PGBD5: variants seen among roughly 807,000 people sequenced by gnomAD.
PGBD5 encodes piggyBac transposable element-derived protein 5.
A neutral mutation model predicts 47.9 loss-of-function variants in PGBD5; 14 were observed. The ratio of observed to expected loss-of-function variants is 0.29; its 90% CI spans 0.19 to 0.46. The LOEUF (loss-of-function observed/expected upper bound fraction) is 0.46. PGBD5 is among the 20% of genes least tolerant of loss of function. The pLI, the probability that PGBD5 is intolerant of heterozygous loss-of-function variation, is 1.00. For synonymous variants in PGBD5, 316 were observed against 306.3 expected, an observed-to-expected ratio of 1.03 and a Z score of -0.33; for missense variants, 635 against 716.0, an observed-to-expected ratio of 0.89 and a Z score of 1.29.
intron 5 of PGBD5, among the ~76,000 whole-genome samples, chr1:230,329,687 T>C (rs1424805997): frequency 6.6e-6 from 1 of 152,164 alleles, no homozygotes; most frequent in Non-Finnish European, 1.5e-5. Flanking sequence ...CTGAATGAGA[T>C]TTAAAATAAA....
intron 1 of PGBD5, among the ~76,000 whole-genome samples, chr1:230,422,760 G>A (rs771286021): frequency 3.3e-5 from 5 of 152,150 alleles, no homozygotes; most frequent in African/African-American, 1.2e-4. Context: ...GGGCTGGGAA[G>A]ACAAGAACAG....
intron 3 of PGBD5, 46 bp downstream of exon 3, chr1:230,350,912 C>G: frequency 6.3e-7 from 1 of 1,599,874 alleles, no homozygotes; most frequent in Non-Finnish European, 8.5e-7. Context: ...GATTTTCTTC[C>G]CCGACCCTCT....
At chr1:230,405,432 T>C (rs1173605561) in intron 1 of PGBD5, among the ~76,000 whole-genome samples, 1 of 152,238 alleles carries the variant, frequency 6.6e-6, no homozygotes, top group Non-Finnish European at 1.5e-5. Context: ...TTTCTTATGA[T>C]TTTTCTTCAT....
rs950666290 is a variant in PGBD5, at chr1:230,390,193, A to T, written c.332-32872T>A. The stretch of plus-strand genomic sequence containing the variant: ...AATACCCCTCGCTCTGCCCACCATA[A>T]GTGGGTGACCACTGCTTCTTTACTG... On this transcript the variant is annotated intron_variant, in intron 1 of 6. Coordinates refer to ENST00000391860, the MANE Select transcript of PGBD5 (RefSeq NM_001258311.2). Among the ~76,000 whole-genome samples the T allele has an allele frequency of 5.3e-5, 8 of 152,196 alleles. 1 individual carries two copies. The highest frequency in any genetic ancestry group is 9.7e-5 in the African/African-American group (4 of 41,450).
At chr1:230,362,042 G>C (rs1667751600) in intron 1 of PGBD5, among the ~76,000 whole-genome samples, 1 of 152,264 alleles carries the variant, frequency 6.6e-6, no homozygotes, top group Non-Finnish European at 1.5e-5. Flanking sequence ...AAGGGGAGTG[G>C]GTGGGGCTGG....
chr1:230,343,639 G>T (rs1463870776), intron 3 of PGBD5, among the ~76,000 whole-genome samples: 4 of 152,104 alleles, frequency 2.6e-5, no homozygotes, highest in African/African-American at 9.7e-5. Flanking sequence ...TAAACAGCTG[G>T]ACACATGTCC....
intron 1 of PGBD5, among the ~76,000 whole-genome samples, chr1:230,401,191 C>T (rs948164778): frequency 3.3e-5 from 5 of 152,212 alleles, no homozygotes; most frequent in African/African-American, 9.7e-5. Flanking sequence ...GAGTTAAGGA[C>T]GCTGGCCTTG....
intron 1 of PGBD5, among the ~76,000 whole-genome samples, chr1:230,416,328 T>C (rs1657512063): frequency 6.6e-6 from 1 of 152,202 alleles, no homozygotes; most frequent in Non-Finnish European, 1.5e-5. Flanking sequence ...ATGCTCAGCT[T>C]GTGAACATTT....
At chr1:230,368,818 C>T (rs999355797) in intron 1 of PGBD5, among the ~76,000 whole-genome samples, 2 of 152,242 alleles carry the variant, frequency 1.3e-5, no homozygotes, top group African/African-American at 4.8e-5. Flanking sequence ...TGAGCATGCA[C>T]ATGCAGAGGT....
chr1:230,337,016 C>A, intron 4 of PGBD5, 92 bp downstream of exon 4: 2 of 1,408,388 alleles, frequency 1.4e-6, no homozygotes, highest in Non-Finnish European at 1.9e-6. Flanking sequence ...TTTGTGGTGG[C>A]CACCACGTAT....
chr1:230,338,004 TAAAC>T (rs1667352879), intron 3 of PGBD5, among the ~76,000 whole-genome samples: 1 of 152,210 alleles, frequency 6.6e-6, no homozygotes, highest in African/African-American at 2.4e-5. Flanking sequence ...GAAAATATCT[TAAAC>T]AAACAAAACA....
chr1:230,350,811 G>T, intron 3 of PGBD5, 147 bp downstream of exon 3: 1 of 1,176,700 alleles, frequency 8.5e-7, no homozygotes, highest in South Asian at 1.7e-5. Flanking sequence ...CCCAGCCCTG[G>T]CCTCCGCAGG....
intron 1 of PGBD5, among the ~76,000 whole-genome samples, chr1:230,406,167 G>C (rs1167554385): frequency 6.6e-6 from 1 of 151,906 alleles, no homozygotes; most frequent in Non-Finnish European, 1.5e-5. Context: ...AATTAGCCGG[G>C]CATGGTGGCG....
At chr1:230,410,652 T>G (rs1429931974) in intron 1 of PGBD5, among the ~76,000 whole-genome samples, 1 of 152,234 alleles carries the variant, frequency 6.6e-6, no homozygotes, top group South Asian at 2.1e-4. Flanking sequence ...CATATCAAAA[T>G]TTATAGAACA....
Position 230,318,491 on chromosome 1 carries a change from C to T in PGBD5, c.*4934G>A, listed in dbSNP as rs556217838. The T allele has an allele frequency of 6.6e-6, 1 of 152,468 alleles. No homozygotes were observed. The highest frequency in any genetic ancestry group is 1.5e-5 in the Non-Finnish European group (1 of 68,162). 9.4% of individuals were successfully genotyped at this position (152,468 alleles called of 1,614,324 possible). A position where few individuals can be genotyped will look rare whatever the true frequency, so the allele number is the denominator to read the frequency against. On this transcript the variant is annotated 3_prime_UTR_variant, in exon 7 of 7. Transcript: ENST00000391860. ...TGTTTTCCAAAGCAAGCTGCAGAGG[C>T]CACCGGTGGGGAGGGGGCACTGGGG...
rs1571825786 is a variant in PGBD5 at position 230,332,997 on chromosome 1, T to C, written c.1120A>G (p.Thr374Ala). The C allele has an allele frequency of 2.5e-6, 4 of 1,612,604 alleles. No homozygotes were observed. Among genetic ancestry groups the C allele is most frequent in the Non-Finnish European group, 3.4e-6 (4 of 1,179,380 alleles). The change falls in exon 5 of 7, where the codon ACC (threonine) becomes GCC (alanine). Residue 374 changes from threonine (T) to alanine (A), a missense_variant. Thr to Ala is a moderately conservative substitution (Grantham distance 58). Transcript: ENST00000391860. Reference protein sequence around the residue: ...GLLRARKSDCTGLPLSMLTNP... With the variant: ...GLLRARKSDCAGLPLSMLTNP... The stretch of plus-strand genomic sequence containing the variant: ...GTCAGCATGGACAGTGGGAGGCCGG[T>C]GCAGTCACTCTTCCGCGCGCGGAGC...
intron 1 of PGBD5, among the ~76,000 whole-genome samples, chr1:230,375,647 T>C (rs1375545614): frequency 2.1e-5 from 3 of 146,096 alleles, no homozygotes; most frequent in African/African-American, 7.5e-5. Flanking sequence ...GAGCTTCCTA[T>C]TTGACTTTTT....
At chr1:230,412,375 T>C (rs1210380706) in intron 1 of PGBD5, among the ~76,000 whole-genome samples, 1 of 150,508 alleles carries the variant, frequency 6.6e-6, no homozygotes, top group African/African-American at 2.4e-5. Context: ...GGGAAATGGA[T>C]CATCCTAAAG....
intron 1 of PGBD5, among the ~76,000 whole-genome samples, chr1:230,409,335 T>C (rs1657366803): frequency 6.6e-6 from 1 of 152,326 alleles, no homozygotes; most frequent in Admixed American, 6.5e-5. Context: ...AGTTATCAGA[T>C]GACCCAGCAA....
Sources: allele counts gnomAD v4.1 joint callset (sites outside exome capture counted in the v4.1 genomes callset), GRCh38; gene constraint gnomAD v4.1.1; transcripts MANE v1.5; gene names NCBI Gene and HGNC (gene_info 2026-07-23, HGNC 2026-07-21).